Variants in HFM1 observed in about 807,000 individuals in gnomAD.
HFM1 encodes the protein probable ATP-dependent DNA helicase HFM1.
Under a neutral mutation model 192.1 loss-of-function variants are expected in HFM1, and 169 were observed. The ratio of observed to expected loss-of-function variants is 0.88; its 90% CI spans 0.78 to 1.00. HFM1 has a LOEUF of 1.00. Among genes scored for constraint, HFM1 ranks in the 50% least tolerant of loss-of-function variants. The probability of loss-of-function intolerance (pLI) is 0.00; values close to 1 mark genes in which losing one functional copy is unlikely to be tolerated. For synonymous variants in HFM1, 525 were observed against 537.8 expected (o/e 0.98, Z 0.33); for missense variants, 1,661 against 1,668.0 (o/e 1.00, Z 0.07).
chr1:91,399,481 T>A (rs1347574940), intron 2 of HFM1, among the ~76,000 whole-genome samples: 2 of 152,196 alleles, frequency 1.3e-5, no homozygotes, highest in East Asian at 3.9e-4. Context: ...CACAGTGAAT[T>A]ATATCCAAAA....
intron 30 of HFM1, among the ~76,000 whole-genome samples, chr1:91,280,074 C>G (rs1354245482): frequency 6.6e-6 from 1 of 151,968 alleles, no homozygotes; most frequent in Non-Finnish European, 1.5e-5. Flanking sequence ...ATATTATATC[C>G]GCTATCTCTA....
chr1:91,264,253 G>A (rs566486434), intron 36 of HFM1, among the ~76,000 whole-genome samples: 8 of 151,102 alleles, frequency 5.3e-5, no homozygotes, highest in African/African-American at 1.5e-4. Context: ...TACCAAAGTC[G>A]CCCCTAGCTC....
At chr1:91,277,211 A>T in intron 30 of HFM1, 149 bp from the exon 31 acceptor site, 3 of 429,966 alleles carry the variant, frequency 7.0e-6, no homozygotes, top group Non-Finnish European at 8.1e-6. Flanking sequence ...AATCCACGTA[A>T]TTTTTTTTTT....
intron 23 of HFM1, among the ~76,000 whole-genome samples, chr1:91,322,449 TA>T (rs1330116583): frequency 6.6e-6 from 1 of 152,196 alleles, no homozygotes; most frequent in Non-Finnish European, 1.5e-5. Flanking sequence ...TGCAAACTGC[TA>T]AAAGTCACAA....
intron 13 of HFM1, among the ~76,000 whole-genome samples, chr1:91,355,540 T>C (rs994239851): frequency 6.6e-6 from 1 of 151,900 alleles, no homozygotes; most frequent in African/African-American, 2.4e-5. Context: ...TCTACATAAA[T>C]AGTAACCAAA....
chr1:91,290,843 C>A (rs1411860270), intron 30 of HFM1, among the ~76,000 whole-genome samples: 1 of 152,022 alleles, frequency 6.6e-6, no homozygotes, highest in Non-Finnish European at 1.5e-5. Context: ...GAAATTATAA[C>A]AAACTATCTC....
At position 91,340,032 on chromosome 1, in the gene HFM1, G is replaced by T. The variant is rs188154427; in HGVS notation, c.2335+3398C>A. ...TATATTAAGCATTTTTTTTGACAGG[G>T]TCTTACTCTGTCACCCAGGATGGAT... On this transcript the variant is annotated intron_variant, in intron 20 of 38. Coordinates refer to ENST00000370425, the MANE Select transcript of HFM1 (RefSeq NM_001017975.6). Among the ~76,000 whole-genome samples, 4 of 152,122 alleles carry T rather than the reference G, an allele frequency of 2.6e-5. No individual in the cohort carries two copies. The East Asian group carries it at 7.7e-4, about 29-fold the overall frequency.
intron 36 of HFM1, among the ~76,000 whole-genome samples, chr1:91,264,365 T>TTTTTTTTTTTTTTTTTTTTTG (rs1665500578): frequency 1.8e-5 from 1 of 56,948 alleles, no homozygotes; most frequent in Non-Finnish European, 3.5e-5. Context: ...TTTAGTATTT[T>TTTTTTTTTTTTTTTTTTTTTG]TTTTTTTTTT....
At chr1:91,311,998 T>C (rs1289408372) in intron 30 of HFM1, among the ~76,000 whole-genome samples, 2 of 152,178 alleles carry the variant, frequency 1.3e-5, no homozygotes, top group African/African-American at 4.8e-5. Flanking sequence ...CCTTGGCAGC[T>C]TCCACATGGT....
Position 91,319,127 on chromosome 1 carries a change from A to G in HFM1, c.2763T>C (p.Cys921=). Residue 921 remains cysteine, a synonymous_variant, in exon 25 of 39, where the codon TGT becomes TGC. Coordinates refer to ENST00000370425, the MANE Select transcript of HFM1 (RefSeq NM_001017975.6). ...NSLILAKCFR[C]KLWENSLHVS... ...CATGCAGAGAGTTTTCCCAAAGTTT[A>G]CACCTAAAACATTTAGCTAAAATCA... 6.2e-7 allele frequency: 1 copy of G among 1,611,018 alleles called. No individual in the cohort carries two copies. The highest frequency in any genetic ancestry group is 1.3e-5 in the African/African-American group (1 of 74,856).
At position 91,323,032 on chromosome 1, in the gene HFM1, T is replaced by A. The variant is rs532443350; in HGVS notation, c.2535-35A>T. Reference sequence around the variant, plus strand: ...AAACCACATGGCAAAACATTTATTATTATTTATTTTAATTAAATAAAACCT... The same window carrying A: ...AAACCACATGGCAAAACATTTATTAATATTTATTTTAATTAAATAAAACCT... On this transcript the variant is annotated intron_variant, in intron 22 of 38. Transcript: ENST00000370425. The A allele has an allele frequency of 1.1e-5, 14 of 1,325,860 alleles. No homozygotes were observed. The South Asian group carries it at 1.9e-4, about 18-fold the overall frequency. The allele number at this position is 1,325,860 out of a possible 1,614,324, so 82.1% of individuals were successfully genotyped here.
Position 91,324,756 on chromosome 1 carries a change from T to C in HFM1, c.2346A>G (p.Arg782=), listed in dbSNP as rs1652635589. 3.9e-6 allele frequency: 6 copies of C among 1,549,818 alleles called. No individual in the cohort carries two copies. The highest frequency in any genetic ancestry group is 1.4e-5 in the African/African-American group (1 of 73,666). ...ATGTAATATAATACCAAGCCATCAATCTTCCTGCTTCTGTAAGAAAAGACA... is the reference window on the plus strand; with the variant it reads ...ATGTAATATAATACCAAGCCATCAACCTTCCTGCTTCTGTAAGAAAAGACA... ...GVNFKPTEAG[R]LMAWYYITFE... Residue 782 remains arginine, a synonymous_variant, in exon 21 of 39, where the codon AGA becomes AGG. Transcript: ENST00000370425.
intron 30 of HFM1, among the ~76,000 whole-genome samples, chr1:91,278,475 T>C (rs1035147489): frequency 1.9e-4 from 29 of 152,094 alleles, no homozygotes; most frequent in South Asian, 6.2e-4. Flanking sequence ...AAGCAGCAAA[T>C]CACCGATTGT....
At chr1:91,265,886 A>T in intron 36 of HFM1, 131 bp downstream of exon 36, 2 of 1,236,908 alleles carry the variant, frequency 1.6e-6, no homozygotes, top group South Asian at 3.2e-5. Context: ...TACACCTCTA[A>T]GATTAAGAGG....
intron 20 of HFM1, among the ~76,000 whole-genome samples, chr1:91,331,472 C>CA (rs1005442375): frequency 2.7e-5 from 4 of 149,964 alleles, no homozygotes; most frequent in African/African-American, 4.9e-5. Flanking sequence ...AAGAGGACAC[C>CA]AAAAAATGAA....
chr1:91,281,942 T>A (rs281938), intron 30 of HFM1, among the ~76,000 whole-genome samples: 152,162 of 152,344 alleles, frequency 1, 75,990 homozygotes, highest in Non-Finnish European at 1. Context: ...CATTGCTCAC[T>A]AAAAGACTAT....
At chr1:91,330,387 A>G (rs1274199330) in intron 20 of HFM1, among the ~76,000 whole-genome samples, 1 of 152,224 alleles carries the variant, frequency 6.6e-6, no homozygotes, top group African/African-American at 2.4e-5. Flanking sequence ...ACATGCCAAT[A>G]TATTGGAAAA....
At chr1:91,338,309 C>T (rs1654864724) in intron 20 of HFM1, among the ~76,000 whole-genome samples, 1 of 152,180 alleles carries the variant, frequency 6.6e-6, no homozygotes, top group African/African-American at 2.4e-5. Context: ...GCCTGCCATG[C>T]TCCTCTAAGT....
chr1:91,309,223 T>C (rs1471600729), intron 30 of HFM1, among the ~76,000 whole-genome samples: 2 of 152,170 alleles, frequency 1.3e-5, no homozygotes, highest in East Asian at 1.9e-4. Flanking sequence ...TTCCCCAGTG[T>C]CTGTTAACTG....
Sources: allele counts gnomAD v4.1 joint callset (sites outside exome capture counted in the v4.1 genomes callset), GRCh38; gene constraint gnomAD v4.1.1; transcripts MANE v1.5; gene names NCBI Gene and HGNC (gene_info 2026-07-23, HGNC 2026-07-21).